RNF220: variants seen among roughly 807,000 people sequenced by gnomAD.
The protein encoded by RNF220 is ring finger protein 220.
In RNF220, 7 loss-of-function variants were observed where a neutral mutation model predicts 67.1. That is an observed-to-expected ratio of 0.10 (90% CI 0.06 to 0.20). RNF220 has a LOEUF of 0.20. RNF220 is among the 10% of genes least tolerant of loss of function. The pLI is 1.00. For missense variants in RNF220, 565 were observed against 740.3 expected, an observed-to-expected ratio of 0.76 and a Z score of 2.75; for synonymous variants, 270 against 283.2, an observed-to-expected ratio of 0.95 and a Z score of 0.47.
At chr1:44,519,511 A>G (rs1441024187) in intron 2 of RNF220, among the ~76,000 whole-genome samples, 1 of 152,228 alleles carries the variant, frequency 6.6e-6, no homozygotes, top group Non-Finnish European at 1.5e-5. Flanking sequence ...GGTGCTAGCC[A>G]GACTGAAAGC....
chr1:44,583,843 A>G (rs1665496028), intron 2 of RNF220, among the ~76,000 whole-genome samples: 1 of 152,250 alleles, frequency 6.6e-6, no homozygotes, highest in Non-Finnish European at 1.5e-5. Context: ...CTAATTTCTC[A>G]GTAAAGATTT....
intron 2 of RNF220, among the ~76,000 whole-genome samples, chr1:44,525,789 C>G (rs1660323735): frequency 1.3e-5 from 2 of 152,318 alleles, no homozygotes; most frequent in South Asian, 4.1e-4. Context: ...TCCTGCACTC[C>G]TACAGCAGAT....
At chr1:44,571,502 C>T (rs1249370338) in intron 2 of RNF220, among the ~76,000 whole-genome samples, 1 of 152,184 alleles carries the variant, frequency 6.6e-6, no homozygotes, top group African/African-American at 2.4e-5. Context: ...TTGCCTACTC[C>T]AGCAGTAGAA....
chr1:44,505,748 C>T (rs1257891335), intron 2 of RNF220, among the ~76,000 whole-genome samples: 1 of 152,160 alleles, frequency 6.6e-6, no homozygotes, highest in East Asian at 1.9e-4. Context: ...CTTAAGCCAG[C>T]GTAACATTCT....
intron 2 of RNF220, among the ~76,000 whole-genome samples, chr1:44,452,889 C>T (rs1440969436): frequency 1.3e-5 from 2 of 152,174 alleles, no homozygotes; most frequent in African/African-American, 4.8e-5. Context: ...CTGTCAGTTC[C>T]ATAAAATATC....
chr1:44,516,281 T>C (rs1458065582), intron 2 of RNF220, among the ~76,000 whole-genome samples: 1 of 152,238 alleles, frequency 6.6e-6, no homozygotes, highest in Admixed American at 6.5e-5. Flanking sequence ...GTCAAAACAC[T>C]ATGGTAAGTG....
At chr1:44,435,720 A>C (rs991762696) in intron 2 of RNF220, among the ~76,000 whole-genome samples, 2 of 152,158 alleles carry the variant, frequency 1.3e-5, no homozygotes, top group African/African-American at 4.8e-5. Context: ...ACTTGAGGTC[A>C]GGAGTTTGAG....
chr1:44,501,721 A>G (rs1657902436), intron 2 of RNF220, among the ~76,000 whole-genome samples: 2 of 151,942 alleles, frequency 1.3e-5, no homozygotes, highest in Non-Finnish European at 2.9e-5. Context: ...GCGGCAGAGC[A>G]CTTGTCAGGG....
chr1:44,495,252 C>CAAA (rs55870438), intron 2 of RNF220, among the ~76,000 whole-genome samples: 16 of 130,062 alleles, frequency 1.2e-4, no homozygotes, highest in Non-Finnish European at 1.7e-4. Flanking sequence ...ACAAAAGATA[C>CAAA]AAAAAAAAAA....
intron 2 of RNF220, among the ~76,000 whole-genome samples, chr1:44,437,712 C>T (rs1322748197): frequency 2.0e-5 from 3 of 152,138 alleles, no homozygotes; most frequent in African/African-American, 7.2e-5. Context: ...CCTGGGAGCT[C>T]AGGGGTAAGG....
chr1:44,575,093 A>G (rs374976008), intron 2 of RNF220, among the ~76,000 whole-genome samples: 1 of 152,182 alleles, frequency 6.6e-6, no homozygotes, highest in Non-Finnish European at 1.5e-5. Flanking sequence ...GCTATCAAAC[A>G]TTAGAACTTA....
intron 2 of RNF220, among the ~76,000 whole-genome samples, chr1:44,613,637 G>A (rs115611225): frequency 0.018 from 2,815 of 152,294 alleles, 70 homozygotes; most frequent in African/African-American, 0.065. Flanking sequence ...AGCACTTTGG[G>A]AGACCAAGGC....
intron 2 of RNF220, among the ~76,000 whole-genome samples, chr1:44,494,057 T>TACTAAAAA (rs1657101384): frequency 6.6e-6 from 1 of 151,842 alleles, no homozygotes; most frequent in Non-Finnish European, 1.5e-5. Context: ...AAATACAAAA[T>TACTAAAAA]TAGCCGGGCA....
intron 2 of RNF220, among the ~76,000 whole-genome samples, chr1:44,461,924 G>T (rs6664670): frequency 0.025 from 3,134 of 123,180 alleles, 148 homozygotes; most frequent in African/African-American, 0.092. Flanking sequence ...TTTTTTCTTT[G>T]TTTTTTTTTT....
In RNF220 at chr1:44,555,721, T is replaced by C. The variant is rs184655608; in HGVS notation, c.626-58444T>C. On this transcript the variant is annotated intron_variant, in intron 2 of 14. Coordinates refer to ENST00000361799, the MANE Select transcript of RNF220 (RefSeq NM_018150.4). ...CGATCTCCTGACCTCATGATTCGCC[T>C]GCCTCGGCCTCCCAAAGTGCTGAGA... 2.3e-4 allele frequency among the ~76,000 whole-genome samples: 35 copies of C among 150,588 alleles called. 1 individual carries two copies. Among genetic ancestry groups the C allele is most frequent in the African/African-American group, 7.9e-4 (32 of 40,266 alleles).
intron 2 of RNF220, among the ~76,000 whole-genome samples, chr1:44,537,982 C>T (rs1181617298): frequency 6.6e-6 from 1 of 152,196 alleles, no homozygotes; most frequent in South Asian, 2.1e-4. Flanking sequence ...CTATTTTTAG[C>T]CTACATGCAG....
intron 2 of RNF220, among the ~76,000 whole-genome samples, chr1:44,438,007 TACAC>T (rs1252996677): frequency 1.3e-5 from 2 of 152,180 alleles, no homozygotes; most frequent in Non-Finnish European, 1.5e-5. Flanking sequence ...TCTGGGAAAA[TACAC>T]ATATAGAAGA....
chr1:44,491,940 A>G (rs1035290354), intron 2 of RNF220, among the ~76,000 whole-genome samples: 8 of 152,326 alleles, frequency 5.3e-5, no homozygotes, highest in African/African-American at 1.9e-4. Flanking sequence ...CTGGAATTAC[A>G]GGTGTGAGCC....
intron 2 of RNF220, among the ~76,000 whole-genome samples, chr1:44,480,359 A>G (rs1295350602): frequency 2.0e-5 from 3 of 152,200 alleles, no homozygotes; most frequent in Non-Finnish European, 4.4e-5. Context: ...GTGAGCCCTG[A>G]TCGTGCCACT....
Sources: gnomAD v4.1 joint callset for allele counts (sites outside exome capture counted in the v4.1 genomes callset) on GRCh38, gnomAD v4.1.1 for gene constraint, MANE v1.5 for transcripts, NCBI Gene and HGNC (gene_info 2026-07-23, HGNC 2026-07-21) for gene names.